Variants in SLC12A1 observed in about 807,000 individuals in gnomAD.
SLC12A1 encodes solute carrier family 12 member 1, also known as Na-K-2Cl cotransporter.
In SLC12A1, 89 loss-of-function variants were observed where a neutral mutation model predicts 130.4. The observed-to-expected ratio is 0.68, with a 90% CI of 0.58 to 0.81. The LOEUF (loss-of-function observed/expected upper bound fraction) is 0.81. Among genes scored for constraint, SLC12A1 ranks in the 40% least tolerant of loss-of-function variants. SLC12A1 has a pLI of 0.00. For synonymous variants in SLC12A1, 499 were observed against 460.0 expected, an observed-to-expected ratio of 1.08 and a Z score of -1.09; for missense variants, 1,310 against 1,336.4, an observed-to-expected ratio of 0.98 and a Z score of 0.31.
intron 9 of SLC12A1, among the ~76,000 whole-genome samples, chr15:48,241,106 A>T (rs1459456143): frequency 1.3e-5 from 2 of 151,974 alleles, no homozygotes; most frequent in Non-Finnish European, 2.9e-5. Context: ...AGCTCAGTAT[A>T]AAAAAAATAC....
chr15:48,274,157 G>A (rs1566851499), intron 19 of SLC12A1, among the ~76,000 whole-genome samples: 1 of 152,136 alleles, frequency 6.6e-6, no homozygotes, highest in Non-Finnish European at 1.5e-5. Context: ...AAATGTTACA[G>A]GAGTCCTTCT....
intron 19 of SLC12A1, among the ~76,000 whole-genome samples, chr15:48,270,988 C>G (rs1279312309): frequency 6.6e-6 from 1 of 150,698 alleles, no homozygotes; most frequent in Non-Finnish European, 1.5e-5. Context: ...TTTTGGGAGG[C>G]CGAGGCGGGT....
chr15:48,255,396 C>T (rs993073700), intron 15 of SLC12A1, among the ~76,000 whole-genome samples: 5 of 151,600 alleles, frequency 3.3e-5, no homozygotes, highest in African/African-American at 1.2e-4. Context: ...CAAGATCGTG[C>T]CACTGCACTC....
At chr15:48,249,056 A>G (rs552204811) in intron 13 of SLC12A1, among the ~76,000 whole-genome samples, 1 of 152,174 alleles carries the variant, frequency 6.6e-6, no homozygotes, top group Admixed American at 6.5e-5. Flanking sequence ...AATAATAATA[A>G]TAATATTTTG....
At chr15:48,266,967 C>G (rs1172632618) in intron 17 of SLC12A1, among the ~76,000 whole-genome samples, 2 of 152,166 alleles carry the variant, frequency 1.3e-5, no homozygotes, top group African/African-American at 4.8e-5. Context: ...CCACCAAATT[C>G]ATTGAATGAC....
chr15:48,256,386 G>A (rs2041707190), intron 16 of SLC12A1, among the ~76,000 whole-genome samples: 1 of 152,210 alleles, frequency 6.6e-6, no homozygotes, highest in South Asian at 2.1e-4. Context: ...GCTTGGAGAG[G>A]AACAGATTGC....
rs770328592 is a variant in SLC12A1 at position 48,302,841 on chromosome 15, C to T, written c.3256C>T (p.Leu1086=). The change falls in exon 27 of 27, where the codon CTA becomes TTA. Residue 1086 remains leucine (L), a synonymous_variant. Coordinates refer to ENST00000380993, the MANE Select transcript of SLC12A1 (RefSeq NM_000338.3). ...CACAAAGAACCTCCCACCTGTCTTA[C>T]TAGTTAGAGGAAATCACAAAAATGT... ...ILTKNLPPVL[L]VRGNHKNVLT... is the part of the protein sequence containing the mutation. 4.3e-6 allele frequency: 7 copies of T among 1,612,502 alleles called. No individual in the cohort carries two copies. The South Asian group carries it at 7.7e-5, about 18-fold the overall frequency.
intron 20 of SLC12A1, among the ~76,000 whole-genome samples, chr15:48,277,523 A>C (rs2041966290): frequency 7.1e-6 from 1 of 141,412 alleles, no homozygotes; most frequent in Non-Finnish European, 1.6e-5. Flanking sequence ...ATGAGAAGAA[A>C]CTAGTAAGCA....
At chr15:48,232,364 C>T (rs1158085738) in intron 7 of SLC12A1, among the ~76,000 whole-genome samples, 1 of 152,210 alleles carries the variant, frequency 6.6e-6, no homozygotes, top group African/African-American at 2.4e-5. Flanking sequence ...CCCATAAGTG[C>T]TCTGCTGAAA....
At chr15:48,227,532 T>G (rs907421216) in intron 5 of SLC12A1, 5 of 278,054 alleles carry the variant, frequency 1.8e-5, no homozygotes, top group Admixed American at 1.4e-4. Flanking sequence ...CAGATGGCAT[T>G]GCTGATGATT....
chr15:48,291,833 G>A lies in SLC12A1; in HGVS notation c.2929G>A (p.Gly977Ser), dbSNP rs372350814. Residue 977 changes from glycine (G) to serine (S), a missense_variant, in exon 24 of 27, where the codon GGT becomes AGT. By Grantham distance (56) the Gly-to-Ser change is moderately conservative (BLOSUM62 0). Transcript: ENST00000380993. ...RIKFADIHII[G>S]DINIRPNKES... ...AAAATTTGCAGACATCCATATCATC[G>A]GTGACATCAACATTAGGCCAAACAA... 1.9e-5 allele frequency: 30 copies of A among 1,571,526 alleles called. No individual in the cohort carries two copies. Among genetic ancestry groups the A allele is most frequent in the Admixed American group, 1.3e-4 (7 of 53,988 alleles).
intron 19 of SLC12A1, among the ~76,000 whole-genome samples, chr15:48,271,571 A>G (rs180858715): frequency 6.6e-6 from 1 of 152,206 alleles, no homozygotes; most frequent in African/African-American, 2.4e-5. Context: ...ACTGAAAGGA[A>G]GCATAAGAAA....
chr15:48,238,419 C>T (rs537891315), intron 9 of SLC12A1, among the ~76,000 whole-genome samples: 5 of 152,150 alleles, frequency 3.3e-5, no homozygotes, highest in East Asian at 3.9e-4. Context: ...TTTGAGGCAG[C>T]GTTCAGGCAG....
chr15:48,259,038 C>G (rs2041740503), intron 16 of SLC12A1, among the ~76,000 whole-genome samples, 162 bp from the exon 17 acceptor site: 1 of 152,212 alleles, frequency 6.6e-6, no homozygotes. Flanking sequence ...CATGTCAAGA[C>G]AGGCAGGATG....
At chr15:48,244,368 C>T (rs1248195823) in intron 10 of SLC12A1, among the ~76,000 whole-genome samples, 2 of 152,188 alleles carry the variant, frequency 1.3e-5, no homozygotes, top group African/African-American at 4.8e-5. Context: ...CCCCTTGGCT[C>T]TCTTGCAGAT....
intron 2 of SLC12A1, among the ~76,000 whole-genome samples, chr15:48,217,235 A>G (rs1395241016): frequency 6.6e-6 from 1 of 152,210 alleles, no homozygotes; most frequent in Non-Finnish European, 1.5e-5. Flanking sequence ...GAAATATGAT[A>G]TTCTCCAAAG....
At chr15:48,285,648 T>C (rs1420932583) in intron 21 of SLC12A1, among the ~76,000 whole-genome samples, 2 of 152,218 alleles carry the variant, frequency 1.3e-5, no homozygotes, top group Non-Finnish European at 2.9e-5. Flanking sequence ...ATACGACTAG[T>C]ACATGCAAAT....
chr15:48,276,773 G>T (rs889231785), intron 20 of SLC12A1, among the ~76,000 whole-genome samples: 1 of 152,130 alleles, frequency 6.6e-6, no homozygotes, highest in Non-Finnish European at 1.5e-5. Context: ...ACTGCATGTA[G>T]CCAAGGACTC....
chr15:48,240,028 TCC>T (rs1284007491), intron 9 of SLC12A1, among the ~76,000 whole-genome samples: 4 of 32,030 alleles, frequency 1.2e-4, no homozygotes, highest in Admixed American at 5.0e-4. Context: ...TATATATATA[TCC>T]ATATATATAT....
Sources: gnomAD v4.1 joint callset for allele counts (sites outside exome capture counted in the v4.1 genomes callset) on GRCh38, gnomAD v4.1.1 for gene constraint, MANE v1.5 for transcripts, NCBI Gene and HGNC (gene_info 2026-07-23, HGNC 2026-07-21) for gene names.